MAP3K2: variants seen among roughly 807,000 people sequenced by gnomAD.
MAP3K2 encodes the protein MAP/ERK kinase kinase 2.
In MAP3K2, 24 loss-of-function variants were observed where a neutral mutation model predicts 80.3. That is an observed-to-expected ratio of 0.30 (90% confidence interval 0.22 to 0.42). The LOEUF (loss-of-function observed/expected upper bound fraction) is 0.42, where lower values mean the gene tolerates loss of function less well. MAP3K2 is among the 10% of genes least tolerant of loss of function. The pLI is 1.00. For missense variants in MAP3K2, 608 were observed against 750.1 expected, an observed-to-expected ratio of 0.81 and a Z score of 2.21; for synonymous variants, 244 against 253.7, an observed-to-expected ratio of 0.96 and a Z score of 0.36.
intron 9 of MAP3K2, among the ~76,000 whole-genome samples, chr2:127,324,769 A>G (rs1000062610): frequency 1.3e-5 from 2 of 152,200 alleles, no homozygotes; most frequent in Admixed American, 6.5e-5. Flanking sequence ...CCCACGCAAT[A>G]TTAGTTATTT....
intron 4 of MAP3K2, among the ~76,000 whole-genome samples, chr2:127,336,526 CT>C (rs1209029264): frequency 6.6e-6 from 1 of 152,146 alleles, no homozygotes; most frequent in Non-Finnish European, 1.5e-5. Context: ...GCACCTAAAG[CT>C]TGAAGACCAC....
At chr2:127,352,766 C>T (rs371208270) in intron 1 of MAP3K2, among the ~76,000 whole-genome samples, 1 of 151,046 alleles carries the variant, frequency 6.6e-6, no homozygotes, top group East Asian at 2.0e-4. Flanking sequence ...CTGGACTGTA[C>T]TGCTGCCATC....
intron 1 of MAP3K2, among the ~76,000 whole-genome samples, chr2:127,352,461 T>G (rs1017043989): frequency 2.0e-5 from 3 of 152,180 alleles, no homozygotes; most frequent in Non-Finnish European, 2.9e-5. Flanking sequence ...TAAATGCCAG[T>G]GTCATTTGAA....
intron 1 of MAP3K2, among the ~76,000 whole-genome samples, chr2:127,372,624 T>C (rs1687084458): frequency 1.3e-5 from 2 of 152,136 alleles, no homozygotes; most frequent in Non-Finnish European, 2.9e-5. Flanking sequence ...CCCTTCCCTG[T>C]TAACCTTTGG....
chr2:127,346,208 CA>C (rs1686592228), intron 1 of MAP3K2, among the ~76,000 whole-genome samples: 1 of 151,082 alleles, frequency 6.6e-6, no homozygotes, highest in Non-Finnish European at 1.5e-5. Context: ...AACTGTACAT[CA>C]ACAAATTAGA....
rs1210743042 is a variant in MAP3K2, at chr2:127,387,962, C to A, written c.-576G>T. ...GGCAGGCAGCCCGGCAGCCACTACA[C>A]ACGGACCCGTGACGTCGGGCGTAGC... On this transcript the variant is annotated 5_prime_UTR_variant, in exon 1 of 17. Transcript: ENST00000682094. 1.0e-6 allele frequency: 1 copy of A among 984,710 alleles called. No individual in the cohort carries two copies. Among genetic ancestry groups the A allele is most frequent in the South Asian group, 4.7e-5 (1 of 21,280 alleles). 61.0% of individuals were successfully genotyped at this position (984,710 alleles called of 1,614,324 possible). A position where few individuals can be genotyped will look rare whatever the true frequency, so the allele number is the denominator to read the frequency against.
Position 127,387,866 on chromosome 2 carries a change from G to A in MAP3K2, c.-480C>T, listed in dbSNP as rs1687401267. 1 of 982,102 alleles carries A rather than the reference G, an allele frequency of 1.0e-6. No individual in the cohort carries two copies. The allele number at this position is 982,102 out of a possible 1,614,324, so 60.8% of individuals were successfully genotyped here. A position where few individuals can be genotyped will look rare whatever the true frequency, so the allele number is the denominator to read the frequency against. ...CGTCCTGGTCGTTGTTTTCGTCGCCGCCGCGGGCCGTGCAACCCCCGAACG... is the reference window on the plus strand; with the variant it reads ...CGTCCTGGTCGTTGTTTTCGTCGCCACCGCGGGCCGTGCAACCCCCGAACG... On this transcript the variant is annotated 5_prime_UTR_variant, in exon 1 of 17. Transcript: ENST00000682094.
intron 1 of MAP3K2, among the ~76,000 whole-genome samples, chr2:127,373,741 C>T (rs1687104508): frequency 6.6e-6 from 1 of 152,182 alleles, no homozygotes; most frequent in Admixed American, 6.5e-5. Context: ...TGCTCACATA[C>T]CGGGACTAAA....
At chr2:127,308,065 T>C (rs1301652301) in intron 16 of MAP3K2, among the ~76,000 whole-genome samples, 1 of 152,208 alleles carries the variant, frequency 6.6e-6, no homozygotes, top group East Asian at 1.9e-4. Context: ...TTTTATATAA[T>C]TTCTAACCTG....
At chr2:127,385,467 T>C (rs1351154156) in intron 1 of MAP3K2, among the ~76,000 whole-genome samples, 1 of 152,218 alleles carries the variant, frequency 6.6e-6, no homozygotes, top group Admixed American at 6.5e-5. Flanking sequence ...TAAACATAAC[T>C]ATATGCACCG....
intron 1 of MAP3K2, among the ~76,000 whole-genome samples, chr2:127,348,562 A>G (rs1686637925): frequency 6.6e-6 from 1 of 152,142 alleles, no homozygotes; most frequent in Admixed American, 6.6e-5. Flanking sequence ...CTGAAAGTAG[A>G]TTAGTGATTT....
chr2:127,335,965 G>A lies in MAP3K2; in HGVS notation c.169C>T (p.Leu57Phe). 6.5e-7 allele frequency: 1 copy of A among 1,540,350 alleles called. No individual in the cohort carries two copies. Reference sequence around the variant, plus strand: ...AGTTTAACTGGTCTGGGGAACTGAAGGATTCTATATAAACACAATTTTAAG... The same window carrying A: ...AGTTTAACTGGTCTGGGGAACTGAAAGATTCTATATAAACACAATTTTAAG... ...KFEHRGEKRILQFPRPVKLED... is the reference protein window; with the variant it reads ...KFEHRGEKRIFQFPRPVKLED... Residue 57 changes from leucine to phenylalanine, a missense_variant, in exon 5 of 17, where the codon CTT (leucine) becomes TTT (phenylalanine). This residue lies in a region of MAP3K2 where 467 missense variants were observed against 521.9 expected (regional missense o/e 0.89). Transcript: ENST00000682094.
chr2:127,343,706 G>C (rs1309875829), intron 1 of MAP3K2, among the ~76,000 whole-genome samples: 1 of 152,150 alleles, frequency 6.6e-6, no homozygotes. Flanking sequence ...GAAAGGGAAA[G>C]GATAGAGTTA....
At chr2:127,356,673 C>T (rs946216133) in intron 1 of MAP3K2, among the ~76,000 whole-genome samples, 1 of 152,132 alleles carries the variant, frequency 6.6e-6, no homozygotes, top group African/African-American at 2.4e-5. Flanking sequence ...ATTGGACTAT[C>T]ATATGCAGAA....
At chr2:127,369,958 C>T (rs950828533) in intron 1 of MAP3K2, among the ~76,000 whole-genome samples, 4 of 152,150 alleles carry the variant, frequency 2.6e-5, no homozygotes, top group Admixed American at 6.5e-5. Flanking sequence ...ACAAAAGCTT[C>T]GGAAAAAGAT....
At chr2:127,311,405 T>A (rs1685805967) in intron 15 of MAP3K2, among the ~76,000 whole-genome samples, 2 of 152,066 alleles carry the variant, frequency 1.3e-5, no homozygotes, top group African/African-American at 4.8e-5. Context: ...GGGGAAGCTG[T>A]CTCTGGGGCG....
intron 4 of MAP3K2, among the ~76,000 whole-genome samples, chr2:127,337,121 G>A (rs764422815): frequency 7.2e-5 from 11 of 151,728 alleles, no homozygotes; most frequent in Admixed American, 2.6e-4. Flanking sequence ...CAGCCTGGGC[G>A]ACAGAGTAAG....
In MAP3K2 at chr2:127,305,929, GCT is replaced by G. The variant is rs1491426940; in HGVS notation, c.*1648_*1649del. On this transcript the variant is annotated 3_prime_UTR_variant, in exon 17 of 17. Coordinates refer to ENST00000682094, the MANE Select transcript of MAP3K2 (RefSeq NM_001371910.2). ...AGTAGTTAAAATTTTGTTTTGATAT[GCT>G]TTTTTTTTTTTTTTTGCCCAAAATC... 4.3e-5 allele frequency: 4 copies of G among 92,774 alleles called. No homozygotes were observed. Among genetic ancestry groups the G allele is most frequent in the South Asian group, 3.7e-4 (1 of 2,692 alleles). 5.7% of individuals were successfully genotyped at this position (92,774 alleles called of 1,614,324 possible). A position where few individuals can be genotyped will look rare whatever the true frequency, so the allele number is the denominator to read the frequency against.
upstream of MAP3K2, chr2:127,388,235 G>C (rs1687418869): frequency 4.6e-6 from 4 of 863,466 alleles, no homozygotes. Flanking sequence ...CCGTGTGCGC[G>C]GCGCATACGC....
Sources: gnomAD v4.1 joint callset for allele counts (sites outside exome capture counted in the v4.1 genomes callset) on GRCh38, gnomAD v4.1.1 for gene constraint, gnomAD v4.1.1 regional missense constraint, MANE v1.5 for transcripts, NCBI Gene and HGNC (gene_info 2026-07-23, HGNC 2026-07-21) for gene names.